Variants in SNTG1 observed in about 807,000 individuals in gnomAD.
SNTG1 encodes the protein syntrophin gamma 1.
In SNTG1, 39 loss-of-function variants were observed where a neutral mutation model predicts 74.7. The ratio of observed to expected loss-of-function variants is 0.52; its 90% CI spans 0.40 to 0.68. SNTG1 has a LOEUF of 0.68. Among genes scored for constraint, SNTG1 ranks in the 30% least tolerant of loss-of-function variants. The probability of loss-of-function intolerance (pLI) is 0.00; values close to 1 mark genes in which losing one functional copy is unlikely to be tolerated. For synonymous variants in SNTG1, 254 were observed against 217.1 expected (o/e 1.17, Z -1.49); for missense variants, 685 against 609.5 (o/e 1.12, Z -1.30).
chr8:50,554,168 G>A (rs1214653788), intron 12 of SNTG1, among the ~76,000 whole-genome samples: 1 of 152,136 alleles, frequency 6.6e-6, no homozygotes, highest in Non-Finnish European at 1.5e-5. Context: ...ACGACAGGAG[G>A]ACCACTAGCC....
chr8:50,471,202 C>G (rs904260427), intron 8 of SNTG1, among the ~76,000 whole-genome samples: 2 of 151,636 alleles, frequency 1.3e-5, no homozygotes, highest in African/African-American at 4.8e-5. Context: ...AGGTGTCAGC[C>G]GTGGTAGAAA....
intron 2 of SNTG1, among the ~76,000 whole-genome samples, chr8:50,357,610 C>A (rs897259851): frequency 1.3e-5 from 2 of 152,006 alleles, no homozygotes; most frequent in East Asian, 1.9e-4. Context: ...GGAAATGGAC[C>A]AGCCTTGATA....
chr8:50,745,694 G>A (rs1298592888), intron 17 of SNTG1, among the ~76,000 whole-genome samples: 1 of 151,916 alleles, frequency 6.6e-6, no homozygotes, highest in Non-Finnish European at 1.5e-5. Context: ...ACAAAATTGG[G>A]ATTTTCAGAC....
chr8:50,429,085 CATTAT>C (rs2093201108), intron 4 of SNTG1, among the ~76,000 whole-genome samples: 1 of 151,282 alleles, frequency 6.6e-6, no homozygotes, highest in African/African-American at 2.4e-5. Flanking sequence ...AATTGATCTA[CATTAT>C]AAATCCCTAT....
At chr8:50,329,483 C>T (rs1019163471) in intron 2 of SNTG1, among the ~76,000 whole-genome samples, 5 of 152,068 alleles carry the variant, frequency 3.3e-5, no homozygotes, top group Admixed American at 2.6e-4. Context: ...TACCTGCAGG[C>T]AAAACACCAC....
intron 1 of SNTG1, among the ~76,000 whole-genome samples, chr8:50,083,626 T>C (rs1308515913): frequency 6.6e-6 from 1 of 152,218 alleles, no homozygotes; most frequent in Non-Finnish European, 1.5e-5. Flanking sequence ...TCAGAAATAG[T>C]GTATGATACA....
intron 12 of SNTG1, among the ~76,000 whole-genome samples, chr8:50,556,100 A>G (rs1186615051): frequency 2.0e-5 from 3 of 152,198 alleles, no homozygotes; most frequent in Non-Finnish European, 4.4e-5. Flanking sequence ...GGCTAAAAAT[A>G]CCTAGGCAAA....
intron 9 of SNTG1, among the ~76,000 whole-genome samples, chr8:50,528,591 T>A (rs1364290560): frequency 6.6e-6 from 1 of 151,896 alleles, no homozygotes; most frequent in African/African-American, 2.4e-5. Context: ...TTTTTGCATA[T>A]GTCCATAAGA....
At chr8:49,970,593 G>C (rs961082372) in intron 1 of SNTG1, among the ~76,000 whole-genome samples, 1 of 152,146 alleles carries the variant, frequency 6.6e-6, no homozygotes, top group African/African-American at 2.4e-5. Flanking sequence ...ATTATATTTA[G>C]ATGTTTTTAT....
intron 2 of SNTG1, among the ~76,000 whole-genome samples, chr8:50,343,049 A>G (rs973164971): frequency 6.6e-6 from 1 of 152,186 alleles, no homozygotes; most frequent in Admixed American, 6.5e-5. Context: ...CAGAAAACAA[A>G]CAGAGATACA....
chr8:50,385,779 C>A (rs1256916222), intron 2 of SNTG1, among the ~76,000 whole-genome samples: 1 of 152,158 alleles, frequency 6.6e-6, no homozygotes, highest in African/African-American at 2.4e-5. Flanking sequence ...TGCCAGGTAC[C>A]AAGGGATATG....
intron 2 of SNTG1, among the ~76,000 whole-genome samples, chr8:50,274,851 A>T (rs1030206047): frequency 1.3e-5 from 2 of 152,180 alleles, no homozygotes; most frequent in Non-Finnish European, 2.9e-5. Context: ...TTGATTGATT[A>T]CATAATTGAT....
chr8:49,929,038 A>C (rs943180338), intron 1 of SNTG1, among the ~76,000 whole-genome samples: 2 of 152,130 alleles, frequency 1.3e-5, no homozygotes, highest in Non-Finnish European at 2.9e-5. Context: ...AAAACAAAGA[A>C]AAAGCTGGCT....
chr8:50,573,634 A>G (rs1313469335), intron 12 of SNTG1, among the ~76,000 whole-genome samples: 1 of 151,854 alleles, frequency 6.6e-6, no homozygotes, highest in Admixed American at 6.6e-5. Flanking sequence ...TTTGATAAAC[A>G]GGATAATTCT....
At chr8:49,979,270 G>C (rs1456357358) in intron 1 of SNTG1, among the ~76,000 whole-genome samples, 1 of 152,180 alleles carries the variant, frequency 6.6e-6, no homozygotes, top group African/African-American at 2.4e-5. Context: ...CTCGGGGACT[G>C]CATGGGCCCC....
intron 12 of SNTG1, among the ~76,000 whole-genome samples, chr8:50,583,642 C>T (rs1267146944): frequency 6.6e-6 from 1 of 151,420 alleles, no homozygotes; most frequent in Non-Finnish European, 1.5e-5. Context: ...TTCTTTTTTG[C>T]TGGAAGTCTC....
At chr8:50,145,140 C>A (rs942711450) in intron 1 of SNTG1, among the ~76,000 whole-genome samples, 1 of 152,130 alleles carries the variant, frequency 6.6e-6, no homozygotes, top group African/African-American at 2.4e-5. Flanking sequence ...GTGACAGTGG[C>A]AGAGCCCTGG....
chr8:50,737,728 A>G (rs2095532498), intron 17 of SNTG1, among the ~76,000 whole-genome samples: 1 of 152,194 alleles, frequency 6.6e-6, no homozygotes, highest in African/African-American at 2.4e-5. Context: ...CGTCGGCTTC[A>G]TCCCTGGGAC....
chr8:50,581,097 A>G (rs926860906), intron 12 of SNTG1, among the ~76,000 whole-genome samples: 3 of 152,252 alleles, frequency 2.0e-5, no homozygotes, highest in Non-Finnish European at 2.9e-5. Flanking sequence ...CAATAGGTGC[A>G]TATATAATAG....
Sources: allele counts gnomAD v4.1 joint callset (sites outside exome capture counted in the v4.1 genomes callset), GRCh38; gene constraint gnomAD v4.1.1; transcripts MANE v1.5; gene names NCBI Gene and HGNC (gene_info 2026-07-23, HGNC 2026-07-21).